ARHGEF28: variants seen among roughly 807,000 people sequenced by gnomAD.
ARHGEF28 encodes 190 kDa guanine nucleotide exchange factor.
ARHGEF28 carries 152 observed loss-of-function variants against 206.6 expected under a neutral mutation model. The ratio of observed to expected loss-of-function variants is 0.74; its 90% CI spans 0.64 to 0.84. The LOEUF is 0.84. ARHGEF28 is among the 40% of genes least tolerant of loss of function. ARHGEF28 has a pLI of 0.00. For missense variants in ARHGEF28, 2,028 were observed against 2,073.2 expected, an observed-to-expected ratio of 0.98 and a Z score of 0.42; for synonymous variants, 763 against 776.4, an observed-to-expected ratio of 0.98 and a Z score of 0.29.
At chr5:73,775,197 C>G (rs749998525) in intron 5 of ARHGEF28, among the ~76,000 whole-genome samples, 1 of 152,212 alleles carries the variant, frequency 6.6e-6, no homozygotes, top group Non-Finnish European at 1.5e-5. Context: ...GTCCTAGAGG[C>G]ACACTTCATC....
intron 1 of ARHGEF28, among the ~76,000 whole-genome samples, chr5:73,638,057 G>A (rs1743839185): frequency 6.6e-6 from 1 of 152,114 alleles, no homozygotes; most frequent in Non-Finnish European, 1.5e-5. Context: ...ATCTGTAATT[G>A]GAGTGATTAT....
At chr5:73,729,645 A>G (rs900574244) in intron 2 of ARHGEF28, among the ~76,000 whole-genome samples, 9 of 152,158 alleles carry the variant, frequency 5.9e-5, no homozygotes, top group African/African-American at 2.2e-4. Flanking sequence ...TCTCAAGTTT[A>G]TTTAGTCACC....
At chr5:73,737,555 A>C (rs1342916728) in intron 2 of ARHGEF28, among the ~76,000 whole-genome samples, 1 of 117,988 alleles carries the variant, frequency 8.5e-6, no homozygotes, top group Non-Finnish European at 1.8e-5. Context: ...CTTGTTGCCC[A>C]GGCTGGAGTG....
At chr5:73,811,446 A>G (rs1755830038) in intron 9 of ARHGEF28, among the ~76,000 whole-genome samples, 1 of 152,224 alleles carries the variant, frequency 6.6e-6, no homozygotes, top group Admixed American at 6.5e-5. Context: ...GGTAAAGGTC[A>G]TTGACATGGC....
intron 1 of ARHGEF28, among the ~76,000 whole-genome samples, chr5:73,675,243 G>A (rs1304892168): frequency 6.6e-6 from 1 of 152,138 alleles, no homozygotes; most frequent in East Asian, 1.9e-4. Flanking sequence ...GCTTCAACAA[G>A]CAAGGAAATT....
intron 1 of ARHGEF28, among the ~76,000 whole-genome samples, chr5:73,679,706 G>T (rs1425115473): frequency 2.7e-5 from 4 of 150,854 alleles, no homozygotes; most frequent in African/African-American, 9.8e-5. Context: ...AAAAGAAAAA[G>T]AAAGTATTAC....
intron 31 of ARHGEF28, 77 bp downstream of exon 31, chr5:73,901,361 C>G: frequency 8.2e-7 from 1 of 1,222,010 alleles, no homozygotes; most frequent in Non-Finnish European, 1.2e-6. Context: ...TGGTCTGTCA[C>G]GGCAGTCAGT....
chr5:73,732,267 T>G (rs1750666573), intron 2 of ARHGEF28, among the ~76,000 whole-genome samples: 1 of 151,866 alleles, frequency 6.6e-6, no homozygotes, highest in Non-Finnish European at 1.5e-5. Context: ...TTTTTAACCA[T>G]CTCCATTGTT....
intron 9 of ARHGEF28, among the ~76,000 whole-genome samples, chr5:73,796,127 G>T (rs974870518): frequency 1.1e-4 from 17 of 152,208 alleles, no homozygotes; most frequent in African/African-American, 3.9e-4. Flanking sequence ...GGTGAATAGA[G>T]CATAATGAAG....
At chr5:73,806,296 A>T (rs1234595249) in intron 9 of ARHGEF28, among the ~76,000 whole-genome samples, 1 of 134,346 alleles carries the variant, frequency 7.4e-6, no homozygotes, top group African/African-American at 2.9e-5. Flanking sequence ...TAGTATATAT[A>T]GTATAGTATA....
chr5:73,883,395 G>A (rs2112667373), intron 23 of ARHGEF28, among the ~76,000 whole-genome samples: 1 of 152,252 alleles, frequency 6.6e-6, no homozygotes, highest in South Asian at 2.1e-4. Flanking sequence ...TAACAAATGT[G>A]GAGGAAGACC....
At chr5:73,791,100 C>T (rs1392767928) in intron 7 of ARHGEF28, among the ~76,000 whole-genome samples, 13 of 152,166 alleles carry the variant, frequency 8.5e-5, no homozygotes, top group Admixed American at 8.5e-4. Flanking sequence ...AACCATCCAC[C>T]ACATCTTGTC....
intron 9 of ARHGEF28, among the ~76,000 whole-genome samples, chr5:73,801,012 T>C (rs988418938): frequency 2.6e-5 from 4 of 152,170 alleles, no homozygotes; most frequent in Admixed American, 1.3e-4. Flanking sequence ...AAGTGCTAGT[T>C]TGGCAAACAA....
At chr5:73,880,166 C>T (rs1223707925) in intron 22 of ARHGEF28, among the ~76,000 whole-genome samples, 2 of 152,184 alleles carry the variant, frequency 1.3e-5, no homozygotes, top group African/African-American at 4.8e-5. Context: ...TGCAGACTTG[C>T]AGTTTGTTCT....
intron 22 of ARHGEF28, among the ~76,000 whole-genome samples, chr5:73,878,172 T>G (rs1365239560): frequency 6.6e-6 from 1 of 151,490 alleles, no homozygotes; most frequent in Non-Finnish European, 1.5e-5. Flanking sequence ...CCTTTACCAT[T>G]ATGTAATGGC....
intron 2 of ARHGEF28, among the ~76,000 whole-genome samples, chr5:73,698,792 A>C (rs1411418704): frequency 2.6e-5 from 4 of 152,012 alleles, no homozygotes; most frequent in Admixed American, 6.6e-5. Flanking sequence ...TGGGTTCACA[A>C]TGGAGACTGG....
Position 73,774,020 on chromosome 5 carries a change from T to C in ARHGEF28, c.641T>C (p.Leu214Pro). The C allele has an allele frequency of 6.3e-7, 1 of 1,598,020 alleles. No homozygotes were observed. The highest frequency in any genetic ancestry group is 1.1e-5 in the South Asian group (1 of 87,544). ...DLALREGHSK[L>P]VEDVTNFQGR... ...GCTTTACGTGAAGGACACTCCAAGC[T>C]GGTGGAAGACGTCACAAAGTGAGTT... The change falls in exon 5 of 36, where the codon CTG becomes CCG. Residue 214 changes from leucine (L) to proline (P), a missense_variant. Physicochemically the swap from Leu to Pro is moderately conservative, Grantham distance 98. This residue lies in a region of ARHGEF28 where 1,002 missense variants were observed against 1,015.3 expected (regional missense o/e 0.99). Transcript: ENST00000513042.
intron 1 of ARHGEF28, among the ~76,000 whole-genome samples, chr5:73,673,683 G>GTAA (rs1193517026): frequency 2.0e-5 from 3 of 151,800 alleles, no homozygotes; most frequent in Non-Finnish European, 2.9e-5. Context: ...TACTTAACAT[G>GTAA]TAATAATAAT....
Position 73,780,747 on chromosome 5 carries a change from T to TA in ARHGEF28, c.910+3dup. On this transcript the variant is annotated splice_region_variant and intron_variant, in intron 7 of 35. Transcript: ENST00000513042. ...CCAGCGGTGCAGAAACTGAAGAAGG[T>TA]ACGCATGCTCCTTTCCCACTTATGG... The TA allele has an allele frequency of 1.3e-6, 2 of 1,555,232 alleles. No homozygotes were observed. The highest frequency in any genetic ancestry group is 1.7e-6 in the Non-Finnish European group (2 of 1,149,140).
Sources: gnomAD v4.1 joint callset for allele counts (sites outside exome capture counted in the v4.1 genomes callset) on GRCh38, gnomAD v4.1.1 for gene constraint, gnomAD v4.1.1 regional missense constraint, MANE v1.5 for transcripts, NCBI Gene and HGNC (gene_info 2026-07-23, HGNC 2026-07-21) for gene names.